The following POU6F1 variants were observed in gnomAD, a reference collection of about 807,000 sequenced individuals.
POU6F1 encodes POU domain, class 6, transcription factor 1.
Under a neutral mutation model 28.9 loss-of-function variants are expected in POU6F1, and 9 were observed. The observed-to-expected ratio is 0.31, with a 90% CI of 0.19 to 0.54. The LOEUF (loss-of-function observed/expected upper bound fraction) is 0.54. Among genes scored for constraint, POU6F1 ranks in the 20% least tolerant of loss-of-function variants. The pLI is 0.94. For missense variants in POU6F1, 338 were observed against 426.1 expected, an observed-to-expected ratio of 0.79 and a Z score of 1.82; for synonymous variants, 173 against 171.1, an observed-to-expected ratio of 1.01 and a Z score of -0.09.
chr12:51,207,086 C>T (rs539762102), intron 1 of POU6F1: 1 of 293,480 alleles, frequency 3.4e-6, no homozygotes, highest in Non-Finnish European at 6.2e-6. Context: ...TGCAGTGGCA[C>T]GATCTGTGCT....
chr12:51,217,756 C>A lies in POU6F1; in HGVS notation c.-162G>T. 1 of 152,030 alleles carries A rather than the reference C, an allele frequency of 6.6e-6. No individual in the cohort carries two copies. Among genetic ancestry groups the A allele is most frequent in the South Asian group, 1.9e-4 (1 of 5,194 alleles). The allele number at this position is 152,030 out of a possible 1,614,324, so 9.4% of individuals were successfully genotyped here. ...CCGGGGCCGGGGCCACGGCGGCCGC[C>A]GCCCGCAGACAAAGAAGCCAGTGCG... On this transcript the variant is annotated 5_prime_UTR_variant, in exon 1 of 11. Coordinates refer to ENST00000333640, the MANE Select transcript of POU6F1 (RefSeq NM_001330422.2). This position sits in a 1 kb window ranked among gnomAD's most constrained non-coding sequence, Gnocchi z 5.3.
chr12:51,212,776 CAAAAAAA>C (rs1176606531), intron 1 of POU6F1, among the ~76,000 whole-genome samples: 6 of 37,698 alleles, frequency 1.6e-4, no homozygotes, highest in African/African-American at 6.3e-4. Flanking sequence ...AACTCCGTCT[CAAAAAAA>C]AAAAAAAAAA....
At position 51,192,472 on chromosome 12, in the gene POU6F1, C is replaced by T; in HGVS notation, c.1180-1G>A. 1 of 1,612,562 alleles carries T rather than the reference C, an allele frequency of 6.2e-7. No homozygotes were observed. Among genetic ancestry groups the T allele is most frequent in the Non-Finnish European group, 8.5e-7 (1 of 1,179,760 alleles). On this transcript the variant is annotated splice_acceptor_variant, in intron 8 of 10. Transcript: ENST00000333640. LOFTEE classifies it high-confidence loss of function. ...TTGGTGTGGGCTGGATGGGCTGCAC[C>T]TGTGAAAGGACAGACAACAAGCCTT...
rs145838952 is a variant in POU6F1, at chr12:51,207,972, G to A, written c.-47-1089C>T. Among the ~76,000 whole-genome samples, 1,121 of 152,252 alleles carry A rather than the reference G, an allele frequency of 7.4e-3. 19 individuals are homozygous for A. Among genetic ancestry groups the A allele is most frequent in the African/African-American group, 0.025 (1,056 of 41,552 alleles). Reference sequence around the variant, plus strand: ...CTGACTAGAGCCACAAACTACAGTCGTAAGAAATAAAGAAAATAGGTTGGG... The same window carrying A: ...CTGACTAGAGCCACAAACTACAGTCATAAGAAATAAAGAAAATAGGTTGGG... On this transcript the variant is annotated intron_variant, in intron 1 of 10. Transcript: ENST00000333640.
In POU6F1 at chr12:51,188,116, CGG is replaced by C. The variant is rs200488247; in HGVS notation, c.*2129_*2130del. 9,259 of 152,130 alleles carry C rather than the reference CGG, an allele frequency of 0.061. 471 individuals are homozygous for C. Among genetic ancestry groups the C allele is most frequent in the East Asian group, 0.17 (893 of 5,174 alleles). 9.4% of individuals were successfully genotyped at this position (152,130 alleles called of 1,614,324 possible). On this transcript the variant is annotated 3_prime_UTR_variant, in exon 11 of 11. Transcript: ENST00000333640. ...CTAATTTTTGTATTTTTAGTAGAGA[CGG>C]GGTTTCACCATGTTGGTCAGGCTGG...
In POU6F1 at chr12:51,217,968, C is replaced by T. The variant is rs927898263; in HGVS notation, c.-374G>A. Among the ~76,000 whole-genome samples the T allele has an allele frequency of 1.3e-5, 2 of 151,956 alleles. No individual in the cohort carries two copies. Among genetic ancestry groups the T allele is most frequent in the Non-Finnish European group, 2.9e-5 (2 of 67,908 alleles). On this transcript the variant is annotated 5_prime_UTR_variant, in exon 1 of 11. Coordinates refer to ENST00000333640, the MANE Select transcript of POU6F1 (RefSeq NM_001330422.2). The surrounding 1 kb of genome is among the most constrained non-coding windows in gnomAD (Gnocchi z 5.3). ...CAGGTATATATTTTTCTTCGTTCCC[C>T]CTTCCACGACCCCCCCCTTTTCCCT... is the stretch of plus-strand genomic sequence containing the variant.
chr12:51,198,760 T>G lies in POU6F1; in HGVS notation c.382A>C (p.Asn128His). 1 of 399,058 alleles carries G rather than the reference T, an allele frequency of 2.5e-6. No individual in the cohort carries two copies. Among genetic ancestry groups the G allele is most frequent in the Non-Finnish European group, 4.4e-6 (1 of 226,104 alleles). The allele number at this position is 399,058 out of a possible 1,614,324, so 24.7% of individuals were successfully genotyped here. Reference sequence around the variant, plus strand: ...ACTCCTGTCAGAACTGTGGCTAAGTTTTCCTGAGTCAAGACCTGCAAAAGC... The same window carrying G: ...ACTCCTGTCAGAACTGTGGCTAAGTGTTCCTGAGTCAAGACCTGCAAAAGC... ...QAAPQVLTQE[N>H]LATVLTGVMV... Residue 128 changes from asparagine (N) to histidine (H), a missense_variant, in exon 5 of 11, where the codon AAC (asparagine) becomes CAC (histidine). This residue lies in a region of POU6F1 where 206 missense variants were observed against 225.6 expected (regional missense o/e 0.91). Coordinates refer to ENST00000333640, the MANE Select transcript of POU6F1 (RefSeq NM_001330422.2).
In POU6F1 at chr12:51,190,781, C is replaced by T. The variant is rs1942352802; in HGVS notation, c.1491-189G>A. 6.6e-6 allele frequency among the ~76,000 whole-genome samples: 1 copy of T among 152,148 alleles called. No homozygotes were observed. The highest frequency in any genetic ancestry group is 6.5e-5 in the Admixed American group (1 of 15,272). ...TTGGCCAAGCCCAGACTCCTCAGAC[C>T]CTCTGATGTGCCCGGTCCTAACAGG... On this transcript the variant is annotated intron_variant, in intron 10 of 10. Coordinates refer to ENST00000333640, the MANE Select transcript of POU6F1 (RefSeq NM_001330422.2). The surrounding 1 kb of genome is among the most constrained non-coding windows in gnomAD (Gnocchi z 4.5).
Position 51,197,856 on chromosome 12 carries a change from T to C in POU6F1, c.760A>G (p.Thr254Ala), listed in dbSNP as rs992341258. ...PAILPQPTAA[T>A]AAAPTPKPVD... is the part of the protein sequence containing the mutation. ...GGCTTGGGGGTAGGGGCAGCAGCGG[T>C]GGCAGCAGTGGGCTGCGGGAGGATG... Residue 254 changes from threonine (T) to alanine (A), a missense_variant, in exon 6 of 11, where the codon ACC becomes GCC. Thr to Ala is a moderately conservative substitution (Grantham distance 58, BLOSUM62 0). Transcript: ENST00000333640. The C allele has an allele frequency of 4.2e-5, 17 of 403,244 alleles. No homozygotes were observed. Among genetic ancestry groups the C allele is most frequent in the Non-Finnish European group, 7.4e-5 (17 of 229,000 alleles). The allele number at this position is 403,244 out of a possible 1,614,324, so 25.0% of individuals were successfully genotyped here.
chr12:51,191,861 G>A (rs1430599503), intron 9 of POU6F1, 97 bp from the exon 10 acceptor site: 2 of 1,449,718 alleles, frequency 1.4e-6, no homozygotes, highest in African/African-American at 1.4e-5. Flanking sequence ...AGTGAGAGGT[G>A]AGGACACCTG....
chr12:51,200,280 T>C (rs1943126047), intron 3 of POU6F1, among the ~76,000 whole-genome samples: 1 of 152,228 alleles, frequency 6.6e-6, no homozygotes, highest in Middle Eastern at 3.2e-3. Context: ...ATCCTGCCAC[T>C]GAATCGCTGT....
intron 1 of POU6F1, among the ~76,000 whole-genome samples, chr12:51,215,078 A>C: frequency 6.6e-6 from 1 of 152,210 alleles, no homozygotes; most frequent in East Asian, 1.9e-4. Context: ...GGTGCCTAAG[A>C]TAATATCTGG....
At chr12:51,213,097 A>G (rs986693444) in intron 1 of POU6F1, among the ~76,000 whole-genome samples, 1 of 151,880 alleles carries the variant, frequency 6.6e-6, no homozygotes, top group African/African-American at 2.4e-5. Flanking sequence ...TCACCGCACC[A>G]GGCTGATTTT....
intron 1 of POU6F1, among the ~76,000 whole-genome samples, chr12:51,210,364 T>TG (rs1440760928): frequency 6.6e-6 from 1 of 152,224 alleles, no homozygotes; most frequent in African/African-American, 2.4e-5. Flanking sequence ...TGAATCTGGG[T>TG]GCATTATAGC....
intron 1 of POU6F1, among the ~76,000 whole-genome samples, chr12:51,214,412 C>T (rs1467837010): frequency 6.6e-6 from 1 of 152,168 alleles, no homozygotes; most frequent in East Asian, 1.9e-4. Flanking sequence ...CTCCTGACAC[C>T]ACACAGAACC....
At chr12:51,195,501 C>G (rs1280235486) in intron 8 of POU6F1, among the ~76,000 whole-genome samples, 1 of 46,756 alleles carries the variant, frequency 2.1e-5, no homozygotes, top group African/African-American at 1.1e-4. Context: ...GTGTCTTCAG[C>G]ACTTGGAATA....
At chr12:51,213,828 G>A (rs570998542) in intron 1 of POU6F1, among the ~76,000 whole-genome samples, 23 of 150,710 alleles carry the variant, frequency 1.5e-4, no homozygotes, top group Non-Finnish European at 2.5e-4. Flanking sequence ...CACCACATCC[G>A]GCCTAATTTC....
intron 3 of POU6F1, among the ~76,000 whole-genome samples, chr12:51,203,878 C>G (rs1397852236): frequency 6.6e-6 from 1 of 152,278 alleles, no homozygotes; most frequent in Admixed American, 6.5e-5. Flanking sequence ...CACAGCTCAG[C>G]GGGTTCAACT....
At chr12:51,206,767 C>A (rs1026733941) in intron 2 of POU6F1, 22 bp downstream of exon 2, 6 of 398,594 alleles carry the variant, frequency 1.5e-5, no homozygotes, top group Admixed American at 4.4e-5. Context: ...CTTACCCCCC[C>A]ACTTCCCACC....
Sources: gnomAD v4.1 joint callset for allele counts (sites outside exome capture counted in the v4.1 genomes callset) on GRCh38, gnomAD v4.1.1 for gene constraint, gnomAD v4.1.1 regional missense constraint, Gnocchi (gnomAD v3.1) non-coding constraint, MANE v1.5 for transcripts, NCBI Gene and HGNC (gene_info 2026-07-23, HGNC 2026-07-21) for gene names.